The following ESRRG variants were observed in gnomAD, a reference collection of about 807,000 sequenced individuals.
ESRRG encodes estrogen-related receptor gamma.
In ESRRG, 13 loss-of-function variants were observed where a neutral mutation model predicts 44.0. The ratio of observed to expected loss-of-function variants is 0.30; its 90% CI spans 0.19 to 0.47. ESRRG has a LOEUF of 0.47. Ranked by LOEUF, ESRRG falls within the 20% of genes least tolerant of loss-of-function variation. The probability of loss-of-function intolerance (pLI) is 1.00; values close to 1 mark genes in which losing one functional copy is unlikely to be tolerated. For synonymous variants in ESRRG, 215 were observed against 214.6 expected (o/e 1.00, Z -0.02); for missense variants, 395 against 580.6 (o/e 0.68, Z 3.29).
Position 216,506,963 on chromosome 1 carries a change from CAA to C in ESRRG, c.1351_1352del (p.Leu451GlyfsTer37). On this transcript the variant is annotated frameshift_variant, in exon 7 of 7. Coordinates refer to ENST00000408911, the MANE Select transcript of ESRRG (RefSeq NM_001438.4). LOFTEE classifies it high-confidence loss of function. The stretch of plus-strand genomic sequence containing the variant: ...GTCAGACCTTGGCCTCCAACATTTC[CAA>C]AAAAAGTTTGTGCATTGGGACTTTG... ...EGKVPMHKLFLEMLEAKV is the reference protein window; with the variant it reads ...EGKVPMHKLFXEMLEAKV 6.2e-7 allele frequency: 1 copy of C among 1,613,820 alleles called. No homozygotes were observed. Among genetic ancestry groups the C allele is most frequent in the Non-Finnish European group, 8.5e-7 (1 of 1,179,896 alleles).
At chr1:216,741,114 G>A (rs972600333) in intron 2 of ESRRG, among the ~76,000 whole-genome samples, 3 of 150,450 alleles carry the variant, frequency 2.0e-5, no homozygotes, top group Admixed American at 6.7e-5. Context: ...TAATGGGATA[G>A]CATTGGATAT....
intron 1 of ESRRG, among the ~76,000 whole-genome samples, chr1:216,697,333 T>C (rs1466674032): frequency 1.3e-5 from 2 of 152,208 alleles, no homozygotes; most frequent in Non-Finnish European, 2.9e-5. Flanking sequence ...GTAATACAAA[T>C]CCAAACTTAC....
At chr1:216,773,269 T>A (rs1208814839) in intron 2 of ESRRG, among the ~76,000 whole-genome samples, 1 of 152,094 alleles carries the variant, frequency 6.6e-6, no homozygotes, top group Non-Finnish European at 1.5e-5. Flanking sequence ...AGATAAGGGA[T>A]TCACCATGGA....
At chr1:216,619,576 A>G (rs116341927) in intron 3 of ESRRG, among the ~76,000 whole-genome samples, 4,635 of 152,310 alleles carry the variant, frequency 0.03, 237 homozygotes, top group African/African-American at 0.11. Flanking sequence ...GGTATCTAAT[A>G]CTAAGCTACA....
intron 1 of ESRRG, among the ~76,000 whole-genome samples, chr1:217,128,748 T>C (rs2092922378): frequency 6.6e-6 from 1 of 152,256 alleles, no homozygotes; most frequent in African/African-American, 2.4e-5. Context: ...TACTCCCTGA[T>C]AATCTGCATT....
chr1:217,010,597 C>A (rs74553704), intron 1 of ESRRG, among the ~76,000 whole-genome samples: 6 of 152,168 alleles, frequency 3.9e-5, no homozygotes, highest in Non-Finnish European at 8.8e-5. Flanking sequence ...TCAAGCAATG[C>A]GCTTGACAGT....
chr1:216,661,256 A>G (rs550647081), intron 2 of ESRRG, among the ~76,000 whole-genome samples: 4 of 152,300 alleles, frequency 2.6e-5, no homozygotes, highest in African/African-American at 9.6e-5. Context: ...TCTTTATAAA[A>G]GAGCTTAAAG....
chr1:216,820,246 T>C (rs2095257529), intron 2 of ESRRG, among the ~76,000 whole-genome samples: 1 of 152,238 alleles, frequency 6.6e-6, no homozygotes, highest in Non-Finnish European at 1.5e-5. Flanking sequence ...AAACTGAGAA[T>C]TCAGTTTTCT....
rs915754244 is a variant in ESRRG at position 216,953,931 on chromosome 1, A to G, written c.-105-14258T>C. On this transcript the variant is annotated intron_variant, in intron 1 of 7. Coordinates refer to the ESRRG transcript ENST00000359162. ...CAATTTGGGGGGCAATGAAAAAAACATAAGACTAGTAAGAAGGAAAACATT... is the reference window on the plus strand; with the variant it reads ...CAATTTGGGGGGCAATGAAAAAAACGTAAGACTAGTAAGAAGGAAAACATT... Among the ~76,000 whole-genome samples the G allele has an allele frequency of 5.3e-5, 8 of 152,248 alleles. No homozygotes were observed. In the South Asian group the frequency reaches 1.2e-3, roughly 24 times the overall value.
At chr1:216,728,000 A>C (rs2087903323), upstream of ESRRG, among the ~76,000 whole-genome samples, 1 of 152,174 alleles carries the variant, frequency 6.6e-6, no homozygotes, top group Non-Finnish European at 1.5e-5. Flanking sequence ...TCAAACTAAT[A>C]ATACACATGG....
At chr1:216,530,048 G>A (rs1042157945) in intron 5 of ESRRG, among the ~76,000 whole-genome samples, 15 of 138,436 alleles carry the variant, frequency 1.1e-4, no homozygotes, top group African/African-American at 3.3e-4. Context: ...GGAGGCAAAT[G>A]TTGCAGTGAG....
In ESRRG at chr1:217,057,946, A is replaced by G. The variant is rs1023078371; in HGVS notation, c.-106+31561T>C. Among the ~76,000 whole-genome samples, 3 of 152,340 alleles carry G rather than the reference A, an allele frequency of 2.0e-5. 1 individual carries two copies. In the South Asian group the frequency reaches 6.2e-4, roughly 32 times the overall value. On this transcript the variant is annotated intron_variant, in intron 1 of 7. Coordinates refer to the ESRRG transcript ENST00000359162. ...ATTGGACACCACTGAATTAAGAGAA[A>G]AAATAATAATGAACATAGGCAAAGA...
At chr1:217,054,293 G>C (rs76854120) in intron 1 of ESRRG, among the ~76,000 whole-genome samples, 9,343 of 152,110 alleles carry the variant, frequency 0.061, 327 homozygotes, top group African/African-American at 0.082. Flanking sequence ...AGGTCATACT[G>C]GGGGGGAGCA....
chr1:216,931,676 A>G (rs1454581531), intron 2 of ESRRG, among the ~76,000 whole-genome samples: 4 of 152,202 alleles, frequency 2.6e-5, no homozygotes, highest in Non-Finnish European at 5.9e-5. Flanking sequence ...CACAAAGCAG[A>G]AATCCCTGTG....
intron 5 of ESRRG, among the ~76,000 whole-genome samples, chr1:216,540,075 T>C (rs893232089): frequency 6.6e-6 from 1 of 152,018 alleles, no homozygotes; most frequent in Non-Finnish European, 1.5e-5. Flanking sequence ...TCTGGCCACA[T>C]TGTATGTAGA....
At chr1:216,969,707 T>C (rs1362325784) in intron 1 of ESRRG, among the ~76,000 whole-genome samples, 2 of 152,160 alleles carry the variant, frequency 1.3e-5, no homozygotes, top group Admixed American at 1.3e-4. Context: ...TGCCTCAGCC[T>C]TCTGAGTAGC....
chr1:216,698,214 GATGT>G (rs1435548732), intron 1 of ESRRG, among the ~76,000 whole-genome samples: 1 of 152,102 alleles, frequency 6.6e-6, no homozygotes, highest in Non-Finnish European at 1.5e-5. Context: ...TAACTAGTTA[GATGT>G]ATAAGATTGC....
intron 2 of ESRRG, among the ~76,000 whole-genome samples, chr1:216,836,108 A>AG (rs894001739): frequency 2.0e-4 from 31 of 151,650 alleles, no homozygotes; most frequent in Admixed American, 2.6e-4. Context: ...AAAAAAAAAA[A>AG]AAAGAAAGAA....
intron 1 of ESRRG, among the ~76,000 whole-genome samples, chr1:217,064,448 T>G (rs2089263820): frequency 1.3e-5 from 2 of 152,174 alleles, no homozygotes; most frequent in Non-Finnish European, 2.9e-5. Context: ...CACAGTCACA[T>G]GCTAATAAGC....
Sources: gnomAD v4.1 joint callset for allele counts (sites outside exome capture counted in the v4.1 genomes callset) on GRCh38, gnomAD v4.1.1 for gene constraint, MANE v1.5 for transcripts, NCBI Gene and HGNC (gene_info 2026-07-23, HGNC 2026-07-21) for gene names.